CHL1: variants seen among roughly 807,000 people sequenced by gnomAD.
CHL1 encodes the protein neural cell adhesion molecule L1-like protein.
CHL1 carries 96 observed loss-of-function variants against 141.9 expected under a neutral mutation model. The observed-to-expected ratio is 0.68, with a 90% CI of 0.57 to 0.80. CHL1 has a LOEUF of 0.80. CHL1 is among the 30% of genes least tolerant of loss of function. The probability of loss-of-function intolerance (pLI) is 0.00; values close to 1 mark genes in which losing one functional copy is unlikely to be tolerated. For synonymous variants in CHL1, 613 were observed against 502.2 expected (o/e 1.22, Z -2.95); for missense variants, 1,820 against 1,457.2 (o/e 1.25, Z -4.05).
At chr3:400,528 A>G (rs892157728) in intron 26 of CHL1, among the ~76,000 whole-genome samples, 5 of 151,696 alleles carry the variant, frequency 3.3e-5, no homozygotes, top group Non-Finnish European at 5.9e-5. Flanking sequence ...AAGAGAATCT[A>G]CTAGGTCTCT....
chr3:371,736 C>T (rs1255003222), intron 15 of CHL1, among the ~76,000 whole-genome samples: 2 of 152,094 alleles, frequency 1.3e-5, no homozygotes, highest in African/African-American at 4.8e-5. Context: ...TTTTGCATGA[C>T]TGGTTCTGGT....
chr3:286,948 G>A (rs1313472334), intron 2 of CHL1, among the ~76,000 whole-genome samples: 2 of 152,076 alleles, frequency 1.3e-5, no homozygotes, highest in Non-Finnish European at 2.9e-5. Flanking sequence ...TTACCATTTT[G>A]GTTTTGGTGG....
intron 3 of CHL1, among the ~76,000 whole-genome samples, chr3:322,841 G>A (rs950951303): frequency 6.6e-6 from 1 of 150,648 alleles, no homozygotes; most frequent in Non-Finnish European, 1.5e-5. Flanking sequence ...AAATTTACTG[G>A]TAGTCAGGTG....
intron 6 of CHL1, among the ~76,000 whole-genome samples, chr3:341,353 T>C (rs753319957): frequency 1.3e-5 from 2 of 152,170 alleles, no homozygotes; most frequent in East Asian, 1.9e-4. Flanking sequence ...TTGTGAACCA[T>C]AGAGAAAAAT....
At position 340,853 on chromosome 3, in the gene CHL1, A is replaced by G. The variant is rs1261747207; in HGVS notation, c.445A>G (p.Ile149Val). ...DPLEVEEGDP[I>V]VLPCNPPKGL... ...TCTTGAAGTGGAGGAGGGAGATCCA[A>G]TTGTCCTCCCATGCAATCCTCCCAA... The change falls in exon 6 of 28, where the codon ATT (isoleucine) becomes GTT (valine). Residue 149 changes from isoleucine (I) to valine (V), a missense_variant. Physicochemically the swap from Ile to Val is conservative, Grantham distance 29. Transcript: ENST00000256509. The G allele has an allele frequency of 5.0e-6, 8 of 1,610,564 alleles. No individual in the cohort carries two copies. The highest frequency in any genetic ancestry group is 4.5e-5 in the East Asian group (2 of 44,820).
chr3:401,495 A>G (rs1709131941), intron 26 of CHL1, 131 bp from the exon 27 acceptor site: 1 of 584,878 alleles, frequency 1.7e-6, no homozygotes, highest in East Asian at 3.2e-5. Context: ...CCAGAAAAAA[A>G]TATTGCCTCA....
chr3:385,003 C>CT (rs1420867587), intron 19 of CHL1, among the ~76,000 whole-genome samples: 2 of 152,122 alleles, frequency 1.3e-5, no homozygotes, highest in East Asian at 1.9e-4. Flanking sequence ...ATGTGGAAAA[C>CT]TTTTTTTAAA....
At position 346,884 on chromosome 3, in the gene CHL1, A is replaced by G. The variant is rs1272529416; in HGVS notation, c.848+2175A>G. Among the ~76,000 whole-genome samples the G allele has an allele frequency of 3.3e-5, 5 of 152,286 alleles. No individual in the cohort carries two copies. The East Asian group carries it at 9.6e-4, about 29-fold the overall frequency. On this transcript the variant is annotated intron_variant, in intron 9 of 27. Transcript: ENST00000256509. ...GTACTATTATTTTGTGTCAAGCACT[A>G]TATTTGGGTCTTTGAAAACTAGTCT... is the stretch of plus-strand genomic sequence containing the variant.
intron 2 of CHL1, among the ~76,000 whole-genome samples, chr3:304,366 G>A (rs1166253342): frequency 6.6e-6 from 1 of 152,290 alleles, no homozygotes; most frequent in East Asian, 1.9e-4. Context: ...GAATCCATCT[G>A]GTCCTGGGCT....
chr3:362,609 C>A (rs1355501924), intron 13 of CHL1, among the ~76,000 whole-genome samples: 2 of 139,198 alleles, frequency 1.4e-5, no homozygotes, highest in African/African-American at 5.2e-5. Context: ...TGGACCGCAT[C>A]CACAGCTTAT....
chr3:244,869 T>C (rs435917), intron 2 of CHL1, among the ~76,000 whole-genome samples, 177 bp downstream of exon 2: 23,259 of 152,176 alleles, frequency 0.15, 2,066 homozygotes, highest in East Asian at 0.38. Flanking sequence ...AGGTTTTTTT[T>C]GTTTTTTGAG....
intron 3 of CHL1, among the ~76,000 whole-genome samples, chr3:321,718 T>C (rs1700578836): frequency 6.6e-6 from 1 of 152,100 alleles, no homozygotes; most frequent in East Asian, 1.9e-4. Context: ...TGTAAGGTCC[T>C]TAGACAACAA....
intron 1 of CHL1, among the ~76,000 whole-genome samples, chr3:200,448 G>A (rs1029328813): frequency 6.6e-6 from 1 of 152,092 alleles, no homozygotes; most frequent in Non-Finnish European, 1.5e-5. Context: ...TTCAGTCAAC[G>A]TTCCTTGTTA....
intron 2 of CHL1, among the ~76,000 whole-genome samples, chr3:291,555 A>G (rs562629456): frequency 6.6e-6 from 1 of 151,712 alleles, no homozygotes; most frequent in African/African-American, 2.4e-5. Flanking sequence ...TATTTTTAGG[A>G]TCACTGATAT....
At chr3:368,724 T>G (rs552784753) in intron 15 of CHL1, among the ~76,000 whole-genome samples, 11 of 152,296 alleles carry the variant, frequency 7.2e-5, no homozygotes, top group South Asian at 2.1e-4. Flanking sequence ...TTAATGGTTT[T>G]GGGTTTTATA....
intron 2 of CHL1, among the ~76,000 whole-genome samples, chr3:263,722 A>G (rs973209382): frequency 2.0e-5 from 3 of 152,200 alleles, no homozygotes; most frequent in Non-Finnish European, 4.4e-5. Flanking sequence ...GCTTTTGCAT[A>G]TCTTACTTTT....
At chr3:400,780 C>A (rs745448248) in intron 26 of CHL1, among the ~76,000 whole-genome samples, 1 of 150,596 alleles carries the variant, frequency 6.6e-6, no homozygotes, top group African/African-American at 2.4e-5. Flanking sequence ...CCAGCCTGGG[C>A]GACAGAGTGA....
chr3:332,407 T>C (rs1212376082), intron 5 of CHL1, among the ~76,000 whole-genome samples: 1 of 152,058 alleles, frequency 6.6e-6, no homozygotes, highest in Non-Finnish European at 1.5e-5. Flanking sequence ...GAAGTAAAAA[T>C]TGGAAAATGG....
At chr3:277,216 A>T (rs1193265038) in intron 2 of CHL1, among the ~76,000 whole-genome samples, 2 of 152,194 alleles carry the variant, frequency 1.3e-5, no homozygotes, top group African/African-American at 4.8e-5. Context: ...AAAATTATGC[A>T]TCTGCTTGAA....
Sources: allele counts gnomAD v4.1 joint callset (sites outside exome capture counted in the v4.1 genomes callset), GRCh38; gene constraint gnomAD v4.1.1; transcripts MANE v1.5; gene names NCBI Gene and HGNC (gene_info 2026-07-23, HGNC 2026-07-21).